LRP1B: variants seen among roughly 807,000 people sequenced by gnomAD.
The protein encoded by LRP1B is LDL receptor related protein 1B, also known as low-density lipoprotein receptor-related protein 1B.
In LRP1B, 217 loss-of-function variants were observed where a neutral mutation model predicts 556.6. The observed-to-expected ratio is 0.39, with a 90% CI of 0.35 to 0.44. The LOEUF is 0.44. LRP1B is among the 20% of genes least tolerant of loss of function. LRP1B has a pLI of 1.00. For synonymous variants in LRP1B, 2,047 were observed against 1,865.8 expected (o/e 1.10, Z -2.50); for missense variants, 5,053 against 5,620.8 (o/e 0.90, Z 3.23).
At chr2:140,939,866 T>C (rs980620021) in intron 20 of LRP1B, among the ~76,000 whole-genome samples, 19 of 148,840 alleles carry the variant, frequency 1.3e-4, no homozygotes, top group African/African-American at 4.2e-4. Context: ...ATCAAGGACA[T>C]GCTGAATTAT....
chr2:142,084,235 G>A (rs191278776), intron 1 of LRP1B, among the ~76,000 whole-genome samples: 1 of 152,234 alleles, frequency 6.6e-6, no homozygotes, highest in Admixed American at 6.5e-5. Context: ...GCCCACCTTG[G>A]CCTCCCAAAG....
intron 2 of LRP1B, among the ~76,000 whole-genome samples, chr2:141,679,948 A>G (rs924922503): frequency 6.6e-6 from 1 of 151,710 alleles, no homozygotes; most frequent in Non-Finnish European, 1.5e-5. Context: ...AAGTTTATAT[A>G]TCTATCTTAA....
chr2:140,323,967 G>A lies in LRP1B; in HGVS notation c.12440C>T (p.Ser4147Leu), dbSNP rs1680312525. Reference sequence around the variant, plus strand: ...AATATTTAAAGCTAAGTACTCTACTGAACCATGGCCAAATTTTTGAACTCG... The same window carrying A: ...AATATTTAAAGCTAAGTACTCTACTAAACCATGGCCAAATTTTTGAACTCG... Reference protein sequence around the residue: ...VFRVQKFGHGSVEYLALNIDK... With the variant: ...VFRVQKFGHGLVEYLALNIDK... Residue 4147 changes from serine to leucine, a missense_variant, in exon 81 of 91, where the codon TCA becomes TTA. Physicochemically the swap from Ser to Leu is moderately radical, Grantham distance 145 (BLOSUM62 -2). Coordinates refer to ENST00000389484, the MANE Select transcript of LRP1B (RefSeq NM_018557.3). 6.2e-7 allele frequency: 1 copy of A among 1,603,962 alleles called. No individual in the cohort carries two copies. The highest frequency in any genetic ancestry group is 1.3e-5 in the African/African-American group (1 of 74,546).
chr2:140,669,405 C>G (rs1685401891), intron 41 of LRP1B, among the ~76,000 whole-genome samples: 1 of 151,990 alleles, frequency 6.6e-6, no homozygotes, highest in East Asian at 1.9e-4. Context: ...GAGGGAAGAC[C>G]ATTTAGGAAG....
chr2:140,653,154 G>C, intron 41 of LRP1B, among the ~76,000 whole-genome samples: 1 of 151,950 alleles, frequency 6.6e-6, no homozygotes, highest in East Asian at 1.9e-4. Flanking sequence ...CCTCAAAAGA[G>C]TCCTAAGAAA....
chr2:140,250,015 C>G (rs773672258), intron 86 of LRP1B, among the ~76,000 whole-genome samples: 2 of 151,842 alleles, frequency 1.3e-5, no homozygotes, highest in East Asian at 1.9e-4. Flanking sequence ...TATTATTCCT[C>G]AAGCAAAATC....
chr2:140,739,542 A>G (rs1445694571), intron 35 of LRP1B, among the ~76,000 whole-genome samples: 1 of 152,202 alleles, frequency 6.6e-6, no homozygotes, highest in East Asian at 1.9e-4. Flanking sequence ...TTAAAAGTAC[A>G]TGAGATTAAA....
intron 2 of LRP1B, among the ~76,000 whole-genome samples, chr2:141,675,116 T>C (rs1233232551): frequency 1.3e-5 from 2 of 151,960 alleles, no homozygotes; most frequent in East Asian, 3.8e-4. Context: ...TGTGTTCTTA[T>C]TGATTTGTGG....
chr2:141,146,361 A>G (rs1701785411), intron 7 of LRP1B, among the ~76,000 whole-genome samples: 2 of 152,156 alleles, frequency 1.3e-5, no homozygotes, highest in Non-Finnish European at 2.9e-5. Flanking sequence ...TTGGAGGGAA[A>G]TCTGTTTTCT....
intron 3 of LRP1B, among the ~76,000 whole-genome samples, chr2:141,378,393 A>G (rs1282412799): frequency 3.3e-5 from 5 of 152,204 alleles, no homozygotes; most frequent in Admixed American, 6.5e-5. Flanking sequence ...AGAAATTATA[A>G]AAAGAACTTA....
intron 41 of LRP1B, among the ~76,000 whole-genome samples, chr2:140,645,410 ACTT>A (rs1348682126): frequency 1.3e-5 from 2 of 151,708 alleles, no homozygotes; most frequent in African/African-American, 2.4e-5. Context: ...AAGTTTATTA[ACTT>A]CTTGTCTGTT....
intron 82 of LRP1B, among the ~76,000 whole-genome samples, chr2:140,316,781 G>GTGT (rs1684537747): frequency 6.6e-6 from 1 of 151,734 alleles, no homozygotes; most frequent in African/African-American, 2.4e-5. Flanking sequence ...TAAATATTAA[G>GTGT]TACATAAGTG....
intron 1 of LRP1B, among the ~76,000 whole-genome samples, chr2:142,039,468 T>TG (rs1396310367): frequency 6.2e-4 from 2 of 3,206 alleles, no homozygotes; most frequent in Admixed American, 5.0e-3. Context: ...AATGTTCTGG[T>TG]CCGAAAACAG....
At position 140,701,754 on chromosome 2, in the gene LRP1B, C is replaced by T. The variant is rs1686649649; in HGVS notation, c.6394G>A (p.Glu2132Lys). The change falls in exon 40 of 91, where the codon GAG becomes AAG. Residue 2132 changes from glutamate (E) to lysine (K), a missense_variant. By Grantham distance (56) the Glu-to-Lys change is moderately conservative. Coordinates refer to ENST00000389484, the MANE Select transcript of LRP1B (RefSeq NM_018557.3). ...MRTGLGVNLKEVKIFNRVREK... is the reference protein window; with the variant it reads ...MRTGLGVNLKKVKIFNRVREK... Reference sequence around the variant, plus strand: ...CTTACTCGGTTAAATATTTTAACCTCCTTCAGGTTGACTCCAAGGCCGGTT... The same window carrying T: ...CTTACTCGGTTAAATATTTTAACCTTCTTCAGGTTGACTCCAAGGCCGGTT... 4 of 1,612,880 alleles carry T rather than the reference C, an allele frequency of 2.5e-6. No homozygotes were observed. The highest frequency in any genetic ancestry group is 1.7e-6 in the Non-Finnish European group (2 of 1,179,214).
At chr2:141,230,789 C>T (rs1395550460) in intron 5 of LRP1B, among the ~76,000 whole-genome samples, 1 of 152,154 alleles carries the variant, frequency 6.6e-6, no homozygotes, top group African/African-American at 2.4e-5. Flanking sequence ...GGTCATTATG[C>T]AAATGTCATT....
At chr2:141,841,575 CCTTTCCAGATA>C (rs1371216523) in intron 1 of LRP1B, among the ~76,000 whole-genome samples, 1 of 152,138 alleles carries the variant, frequency 6.6e-6, no homozygotes, top group Admixed American at 6.5e-5. Context: ...GCTATCAATG[CCTTTCCAGATA>C]CTGTTTGTTT....
rs529358630 is a variant in LRP1B at position 141,108,451 on chromosome 2, C to T, written c.1014-46178G>A. Among the ~76,000 whole-genome samples, 4 of 140,976 alleles carry T rather than the reference C, an allele frequency of 2.8e-5. No individual in the cohort carries two copies. The East Asian group carries it at 6.8e-4, about 24-fold the overall frequency. The allele number at this position is 140,976 out of a possible 152,430, so 92.5% of individuals were successfully genotyped here. ...GCAACCTCCTCCTCCCAGGTTCAAG[C>T]GATTCTCCTGCTTCAGCTTCCCGAG... On this transcript the variant is annotated intron_variant, in intron 7 of 90. Coordinates refer to ENST00000389484, the MANE Select transcript of LRP1B (RefSeq NM_018557.3).
At chr2:141,836,145 T>C (rs577006461) in intron 1 of LRP1B, among the ~76,000 whole-genome samples, 3 of 152,050 alleles carry the variant, frequency 2.0e-5, no homozygotes, top group East Asian at 1.9e-4. Flanking sequence ...AATTTACCTG[T>C]TTGGGAAATT....
rs147496000 is a variant in LRP1B at position 141,112,367 on chromosome 2, C to T, written c.1014-50094G>A. 1.3e-3 allele frequency among the ~76,000 whole-genome samples: 198 copies of T among 152,124 alleles called. 1 individual carries two copies. The highest frequency in any genetic ancestry group is 4.6e-3 in the African/African-American group (190 of 41,516). ...TTTCCTTTTCACAGTCTTTTAATAC[C>T]ACATTTTTCTAATTCTTTGCTTTTG... is the stretch of plus-strand genomic sequence containing the variant. On this transcript the variant is annotated intron_variant, in intron 7 of 90. Transcript: ENST00000389484.
Sources: allele counts gnomAD v4.1 joint callset (sites outside exome capture counted in the v4.1 genomes callset), GRCh38; gene constraint gnomAD v4.1.1; transcripts MANE v1.5; gene names NCBI Gene and HGNC (gene_info 2026-07-23, HGNC 2026-07-21).